The following PCDH15 variants were observed in gnomAD, a reference collection of about 807,000 sequenced individuals.
PCDH15 encodes protocadherin-15.
In PCDH15, 129 loss-of-function variants were observed where a neutral mutation model predicts 178.5. The observed-to-expected ratio is 0.72, with a 90% CI of 0.63 to 0.84. The LOEUF (loss-of-function observed/expected upper bound fraction) is 0.84. Ranked by LOEUF, PCDH15 falls within the 40% of genes least tolerant of loss-of-function variation. PCDH15 has a pLI of 0.00. For missense variants in PCDH15, 2,230 were observed against 2,099.9 expected, an observed-to-expected ratio of 1.06 and a Z score of -1.21; for synonymous variants, 800 against 732.0, an observed-to-expected ratio of 1.09 and a Z score of -1.50.
At chr10:55,516,200 C>G (rs899595324) in intron 2 of PCDH15, among the ~76,000 whole-genome samples, 12 of 152,106 alleles carry the variant, frequency 7.9e-5, no homozygotes, top group African/African-American at 2.9e-4. Context: ...ACGGTTCCCC[C>G]CCATACCGTT....
At chr10:55,559,324 G>A (rs902794384) in intron 2 of PCDH15, among the ~76,000 whole-genome samples, 3 of 152,012 alleles carry the variant, frequency 2.0e-5, no homozygotes, top group African/African-American at 7.2e-5. Context: ...AAGAAGTGTT[G>A]TATAACAACT....
intron 1 of PCDH15, among the ~76,000 whole-genome samples, chr10:54,770,349 G>A (rs1948957922): frequency 6.6e-6 from 1 of 151,962 alleles, no homozygotes; most frequent in Non-Finnish European, 1.5e-5. Context: ...AGCTCATTTT[G>A]TTAGAATAAC....
At chr10:54,120,816 A>G (rs776152600) in intron 15 of PCDH15, among the ~76,000 whole-genome samples, 11 of 152,206 alleles carry the variant, frequency 7.2e-5, no homozygotes, top group South Asian at 6.2e-4. Context: ...AGACCTATAC[A>G]AAGACTTAGC....
At chr10:54,088,049 G>A (rs2094542817) in intron 16 of PCDH15, among the ~76,000 whole-genome samples, 1 of 152,134 alleles carries the variant, frequency 6.6e-6, no homozygotes, top group South Asian at 2.1e-4. Context: ...CATGCTTCCT[G>A]TATAGCCTGC....
At position 54,253,538 on chromosome 10, in the gene PCDH15, CT is replaced by C. The variant is rs2056669623; in HGVS notation, c.877-16608del. On this transcript the variant is annotated intron_variant, in intron 8 of 37. Transcript: ENST00000644397. The stretch of plus-strand genomic sequence containing the variant: ...CACATAATACTTTACAAAATATACC[CT>C]TGCTGTATGAAGTACCAACATTTTT... Among the ~76,000 whole-genome samples the C allele has an allele frequency of 3.3e-5, 5 of 151,974 alleles. No individual in the cohort carries two copies. In the South Asian group the frequency reaches 1.0e-3, roughly 31 times the overall value.
intron 7 of PCDH15, 109 bp downstream of exon 7, chr10:54,329,487 G>A: frequency 1.3e-6 from 1 of 791,776 alleles, no homozygotes; most frequent in Non-Finnish European, 2.2e-6. Context: ...GGAGTGCCCT[G>A]ATGAAGAAGT....
At chr10:54,227,992 G>A (rs1156826694) in intron 9 of PCDH15, among the ~76,000 whole-genome samples, 1 of 152,138 alleles carries the variant, frequency 6.6e-6, no homozygotes, top group Non-Finnish European at 1.5e-5. Context: ...CATTCGGTAA[G>A]TCTCTAGAGA....
chr10:54,122,422 T>C (rs2041614059), intron 15 of PCDH15, among the ~76,000 whole-genome samples: 1 of 152,026 alleles, frequency 6.6e-6, no homozygotes, highest in Admixed American at 6.6e-5. Flanking sequence ...TATTGAATGA[T>C]CAGAACTGCA....
intron 21 of PCDH15, among the ~76,000 whole-genome samples, chr10:53,968,402 C>T (rs941798300): frequency 1.3e-5 from 2 of 152,206 alleles, no homozygotes; most frequent in Non-Finnish European, 2.9e-5. Context: ...GCCTGCCTGC[C>T]TCTGTAGACT....
At chr10:54,741,815 A>T (rs11004530) in intron 1 of PCDH15, among the ~76,000 whole-genome samples, 19,119 of 151,976 alleles carry the variant, frequency 0.13, 1,371 homozygotes, top group African/African-American at 0.18. Context: ...CTTCGACTTC[A>T]AAAGACCATT....
At chr10:55,594,269 A>G (rs1015231399) in intron 2 of PCDH15, among the ~76,000 whole-genome samples, 1 of 151,972 alleles carries the variant, frequency 6.6e-6, no homozygotes, top group Non-Finnish European at 1.5e-5. Flanking sequence ...AGATGTGTTA[A>G]CAATGTTTTC....
chr10:54,961,195 C>G (rs533306786), intron 2 of PCDH15, among the ~76,000 whole-genome samples: 3 of 152,196 alleles, frequency 2.0e-5, no homozygotes, highest in African/African-American at 7.2e-5. Flanking sequence ...AAATTTGTGG[C>G]TGAGCCAGGG....
chr10:55,265,175 T>C (rs943109816), intron 1 of PCDH15, among the ~76,000 whole-genome samples: 4 of 151,958 alleles, frequency 2.6e-5, no homozygotes. Context: ...CCCAGTAAAT[T>C]TGGGACCAGT....
In PCDH15 at chr10:55,500,823, A is replaced by G. The variant is rs376517467; in HGVS notation, c.-156+126802T>C. On this transcript the variant is annotated intron_variant, in intron 2 of 5. Transcript: ENST00000613346. ...TGCTTCTATGACTTTTAACCCAAAT[A>G]CATATAATACATATTTGTTAATATT... is the stretch of plus-strand genomic sequence containing the variant. 1.3e-4 allele frequency among the ~76,000 whole-genome samples: 19 copies of G among 151,958 alleles called. No homozygotes were observed. The South Asian group carries it at 3.9e-3, about 31-fold the overall frequency.
At chr10:54,510,830 C>T (rs1485208150) in intron 3 of PCDH15, among the ~76,000 whole-genome samples, 1 of 152,026 alleles carries the variant, frequency 6.6e-6, no homozygotes, top group Non-Finnish European at 1.5e-5. Context: ...CTTTTTTCCA[C>T]GTCTCCTGCC....
chr10:53,802,955 C>A lies in PCDH15; in HGVS notation c.*3624G>T, dbSNP rs1162250218. The A allele has an allele frequency of 6.6e-6, 1 of 151,660 alleles. No homozygotes were observed. Among genetic ancestry groups the A allele is most frequent in the Non-Finnish European group, 1.5e-5 (1 of 67,790 alleles). 9.4% of individuals were successfully genotyped at this position (151,660 alleles called of 1,614,324 possible). A position where few individuals can be genotyped will look rare whatever the true frequency, so the allele number is the denominator to read the frequency against. The stretch of plus-strand genomic sequence containing the variant: ...GATTTTTCAAACTATAGACAATGTT[C>A]GAATCTTCCATACATGTGCTTAACT... On this transcript the variant is annotated 3_prime_UTR_variant, in exon 38 of 38. Transcript: ENST00000644397.
rs114592863 is a variant in PCDH15 at position 55,349,247 on chromosome 10, A to G, written c.-155-182596T>C. 5.6e-3 allele frequency among the ~76,000 whole-genome samples: 850 copies of G among 152,116 alleles called. 10 individuals are homozygous for G. Among genetic ancestry groups the G allele is most frequent in the African/African-American group, 0.02 (811 of 41,506 alleles). ...CCAGTGTCCTCTACCTTTCCTAATC[A>G]CCAGTGCTAGAAGACCCTGCCAACT... On this transcript the variant is annotated intron_variant, in intron 2 of 5. Transcript: ENST00000613346.
chr10:53,953,446 T>G (rs979218357), intron 23 of PCDH15, among the ~76,000 whole-genome samples: 8 of 152,114 alleles, frequency 5.3e-5, no homozygotes, highest in Non-Finnish European at 1.2e-4. Flanking sequence ...CTACTATAAC[T>G]CTGGCCATTA....
intron 8 of PCDH15, among the ~76,000 whole-genome samples, chr10:54,294,688 C>A (rs550909339): frequency 2.1e-5 from 3 of 143,838 alleles, no homozygotes; most frequent in Non-Finnish European, 3.1e-5. Context: ...CACACACAGA[C>A]ACACACATGA....
Sources: allele counts gnomAD v4.1 joint callset (sites outside exome capture counted in the v4.1 genomes callset), GRCh38; gene constraint gnomAD v4.1.1; transcripts MANE v1.5; gene names NCBI Gene and HGNC (gene_info 2026-07-23, HGNC 2026-07-21).